SCAF8: variants seen among roughly 807,000 people sequenced by gnomAD.
SCAF8 encodes the protein SR-related CTD associated factor 8.
Under a neutral mutation model 140.5 loss-of-function variants are expected in SCAF8, and 23 were observed. That is an observed-to-expected ratio of 0.16 (90% CI 0.12 to 0.23). The LOEUF (loss-of-function observed/expected upper bound fraction) is 0.23. SCAF8 is among the 10% of genes least tolerant of loss of function. The pLI is 1.00. For synonymous variants in SCAF8, 575 were observed against 528.9 expected (o/e 1.09, Z -1.20); for missense variants, 1,397 against 1,555.7 (o/e 0.90, Z 1.72).
chr6:154,770,029 G>A (rs897026092), intron 1 of SCAF8, among the ~76,000 whole-genome samples: 5 of 152,070 alleles, frequency 3.3e-5, no homozygotes, highest in African/African-American at 4.8e-5. Flanking sequence ...GTGAGAAGAC[G>A]GGCATACCGG....
chr6:154,830,656 T>A (rs757657706), intron 18 of SCAF8, among the ~76,000 whole-genome samples: 2 of 152,234 alleles, frequency 1.3e-5, no homozygotes, highest in Non-Finnish European at 2.9e-5. Flanking sequence ...TTTTTGTTAC[T>A]AGAATTTACT....
chr6:154,750,802 A>G (rs533443980), intron 1 of SCAF8, among the ~76,000 whole-genome samples: 1 of 152,324 alleles, frequency 6.6e-6, no homozygotes, highest in South Asian at 2.1e-4. Context: ...TATAGAACCC[A>G]TATTTATTTG....
chr6:154,788,550 T>C (rs1019845900), intron 4 of SCAF8, among the ~76,000 whole-genome samples: 5 of 152,258 alleles, frequency 3.3e-5, no homozygotes, highest in African/African-American at 1.2e-4. Context: ...GCAGATTTGC[T>C]ACTTTTTAAT....
chr6:154,794,839 C>G, intron 5 of SCAF8, among the ~76,000 whole-genome samples, 170 bp from the exon 6 acceptor site: 2 of 122,600 alleles, frequency 1.6e-5, no homozygotes, highest in African/African-American at 3.2e-5. Flanking sequence ...GTTTAATGTA[C>G]CTAATTCTGT....
chr6:154,793,565 A>G (rs572182002), intron 5 of SCAF8, among the ~76,000 whole-genome samples: 3 of 151,900 alleles, frequency 2.0e-5, no homozygotes, highest in East Asian at 1.9e-4. Flanking sequence ...CTGTAATCCT[A>G]GCACTTTGGG....
chr6:154,818,922 T>G (rs1778332781), intron 14 of SCAF8, among the ~76,000 whole-genome samples: 1 of 152,178 alleles, frequency 6.6e-6, no homozygotes, highest in Non-Finnish European at 1.5e-5. Flanking sequence ...TTTATAGTAT[T>G]GTCTTTCATT....
chr6:154,762,090 A>G (rs529455451), intron 1 of SCAF8, among the ~76,000 whole-genome samples: 44 of 152,370 alleles, frequency 2.9e-4, no homozygotes, highest in African/African-American at 1.0e-3. Context: ...GTTTATACAC[A>G]TACTAGAAAA....
intron 6 of SCAF8, among the ~76,000 whole-genome samples, chr6:154,800,590 AGAG>A (rs1262889828): frequency 1.3e-5 from 2 of 151,418 alleles, no homozygotes; most frequent in Non-Finnish European, 3.0e-5. Context: ...TGGATTAGAG[AGAG>A]GAGAAGTCTA....
intron 1 of SCAF8, among the ~76,000 whole-genome samples, chr6:154,766,820 T>C (rs976641816): frequency 6.6e-6 from 1 of 152,134 alleles, no homozygotes; most frequent in Non-Finnish European, 1.5e-5. Context: ...GCTTTTTTTG[T>C]GGCAGTGGTG....
chr6:154,785,492 C>T (rs1777226599), intron 3 of SCAF8, among the ~76,000 whole-genome samples: 1 of 152,180 alleles, frequency 6.6e-6, no homozygotes, highest in South Asian at 2.1e-4. Context: ...TTTTTGTCAG[C>T]ACTTGGTATT....
chr6:154,756,778 G>A (rs547048507), intron 1 of SCAF8, among the ~76,000 whole-genome samples: 1 of 152,252 alleles, frequency 6.6e-6, no homozygotes, highest in South Asian at 2.1e-4. Context: ...TGTAATCCCA[G>A]CACTTTGGGA....
rs759015720 is a variant in SCAF8, at chr6:154,832,359, G to C, written c.2780G>C (p.Arg927Pro). Residue 927 changes from arginine to proline, a missense_variant, in exon 20 of 20, where the codon CGT becomes CCT. Physicochemically the swap from Arg to Pro is moderately radical, Grantham distance 103 (BLOSUM62 -2). Coordinates refer to ENST00000367178, the MANE Select transcript of SCAF8 (RefSeq NM_014892.5). ...CCCACAATGCCAATGTTAGACATTC[G>C]TCCGGGACTAATACCACAGGCACCT... Reference protein sequence around the residue: ...RMPTMPMLDIRPGLIPQAPGP... With the variant: ...RMPTMPMLDIPPGLIPQAPGP... 6.2e-7 allele frequency: 1 copy of C among 1,613,854 alleles called. No homozygotes were observed. Among genetic ancestry groups the C allele is most frequent in the Non-Finnish European group, 8.5e-7 (1 of 1,180,002 alleles).
intron 12 of SCAF8, among the ~76,000 whole-genome samples, chr6:154,812,292 CTT>C (rs759236847): frequency 0.011 from 408 of 38,770 alleles, 3 homozygotes; most frequent in South Asian, 0.043. Context: ...TCTATGTCAG[CTT>C]TTTTTTTTTT....
At chr6:154,830,710 A>G (rs1245712141) in intron 18 of SCAF8, among the ~76,000 whole-genome samples, 1 of 152,074 alleles carries the variant, frequency 6.6e-6, no homozygotes, top group Non-Finnish European at 1.5e-5. Context: ...AATATTTCTG[A>G]AAATTGTTAG....
intron 8 of SCAF8, 142 bp from the exon 9 acceptor site, chr6:154,805,227 T>G (rs1012013615): frequency 1.3e-5 from 7 of 559,028 alleles, no homozygotes; most frequent in African/African-American, 9.4e-5. Flanking sequence ...GTATTCTACT[T>G]TAAGTATTAA....
At chr6:154,736,115 A>G (rs532431585) in intron 1 of SCAF8, among the ~76,000 whole-genome samples, 100 of 151,728 alleles carry the variant, frequency 6.6e-4, no homozygotes, top group African/African-American at 2.3e-3. Context: ...GTGAGCCACC[A>G]CGCCTGGGGG....
At chr6:154,781,897 G>T (rs561689167) in intron 3 of SCAF8, among the ~76,000 whole-genome samples, 258 of 152,270 alleles carry the variant, frequency 1.7e-3, no homozygotes, top group African/African-American at 5.9e-3. Context: ...ACCATAAATT[G>T]TGTGAGGGAG....
Position 154,733,749 on chromosome 6 carries a change from C to T in SCAF8, c.-152C>T. ...GGGAGCCCTTCCCCGCCAGCGCGTG[C>T]CCTTCCACTCCGCCCCGAGGTCGCA... On this transcript the variant is annotated 5_prime_UTR_variant, in exon 1 of 20. Coordinates refer to ENST00000367178, the MANE Select transcript of SCAF8 (RefSeq NM_014892.5). 1.5e-6 allele frequency: 2 copies of T among 1,340,228 alleles called. No individual in the cohort carries two copies. The highest frequency in any genetic ancestry group is 9.5e-7 in the Non-Finnish European group (1 of 1,049,344). 83.0% of individuals were successfully genotyped at this position (1,340,228 alleles called of 1,614,324 possible).
Position 154,762,376 on chromosome 6 carries a change from G to A in SCAF8, c.31-11613G>A, listed in dbSNP as rs190331412. Reference sequence around the variant, plus strand: ...CAGGTCCTTATGGTTGTAGGACTGAGGTCTCTTTTTTTGTTTACTGGCTGT... The same window carrying A: ...CAGGTCCTTATGGTTGTAGGACTGAAGTCTCTTTTTTTGTTTACTGGCTGT... On this transcript the variant is annotated intron_variant, in intron 1 of 19. Transcript: ENST00000367178. 9.3e-4 allele frequency among the ~76,000 whole-genome samples: 141 copies of A among 152,254 alleles called. 1 individual carries two copies. Among genetic ancestry groups the A allele is most frequent in the Non-Finnish European group, 1.5e-3 (105 of 68,012 alleles).
Sources: allele counts gnomAD v4.1 joint callset (sites outside exome capture counted in the v4.1 genomes callset), GRCh38; gene constraint gnomAD v4.1.1; transcripts MANE v1.5; gene names NCBI Gene and HGNC (gene_info 2026-07-23, HGNC 2026-07-21).